The following HS3ST4 variants were observed in gnomAD, a reference collection of about 807,000 sequenced individuals.
HS3ST4 encodes the protein heparan sulfate glucosamine 3-O-sulfotransferase 4.
Under a neutral mutation model 29.2 loss-of-function variants are expected in HS3ST4, and 17 were observed. That is an observed-to-expected ratio of 0.58 (90% CI 0.40 to 0.87). The LOEUF (loss-of-function observed/expected upper bound fraction) is 0.87, where lower values mean the gene tolerates loss of function less well. Ranked by LOEUF, HS3ST4 falls within the 40% of genes least tolerant of loss-of-function variation. The pLI is 0.00. For synonymous variants in HS3ST4, 314 were observed against 285.7 expected (o/e 1.10, Z -1.00); for missense variants, 627 against 634.5 (o/e 0.99, Z 0.13).
intron 1 of HS3ST4, among the ~76,000 whole-genome samples, chr16:25,765,166 G>A (rs1966809979): frequency 6.6e-6 from 1 of 152,152 alleles, no homozygotes; most frequent in Non-Finnish European, 1.5e-5. Context: ...AGAGGCCGCA[G>A]CCTTATTTAA....
At chr16:25,924,128 C>T (rs1209857954) in intron 1 of HS3ST4, among the ~76,000 whole-genome samples, 3 of 152,174 alleles carry the variant, frequency 2.0e-5, no homozygotes, top group Admixed American at 6.5e-5. Flanking sequence ...TATCTGGCAT[C>T]CACTGTCTCA....
intron 1 of HS3ST4, among the ~76,000 whole-genome samples, chr16:26,110,308 G>A (rs1412754924): frequency 2.0e-5 from 3 of 151,912 alleles, no homozygotes; most frequent in Non-Finnish European, 4.4e-5. Context: ...TTCTTTATAT[G>A]TTCACCTGTT....
At position 25,866,972 on chromosome 16, in the gene HS3ST4, T is replaced by G. The variant is rs552982220; in HGVS notation, c.734+173821T>G. Among the ~76,000 whole-genome samples the G allele has an allele frequency of 3.3e-5, 5 of 152,318 alleles. No homozygotes were observed. In the East Asian group the frequency reaches 9.7e-4, roughly 29 times the overall value. The stretch of plus-strand genomic sequence containing the variant: ...ATTTCACGGGCCTCTCCAAGTCTTA[T>G]ATTCACTACTTTGTGAGTAGTTAGG... On this transcript the variant is annotated intron_variant, in intron 1 of 1. Coordinates refer to ENST00000331351, the MANE Select transcript of HS3ST4 (RefSeq NM_006040.3).
At chr16:25,883,962 A>T (rs1404421492) in intron 1 of HS3ST4, among the ~76,000 whole-genome samples, 3 of 151,998 alleles carry the variant, frequency 2.0e-5, no homozygotes, top group Non-Finnish European at 4.4e-5. Flanking sequence ...AAAACACAAA[A>T]ATTAGCCGAC....
At chr16:26,069,332 C>A (rs947893106) in intron 1 of HS3ST4, among the ~76,000 whole-genome samples, 15 of 152,118 alleles carry the variant, frequency 9.9e-5, no homozygotes, top group Non-Finnish European at 1.6e-4. Context: ...TCTGGGCTGG[C>A]TATGTGCCTT....
chr16:25,777,991 G>A (rs1282991331), intron 1 of HS3ST4, among the ~76,000 whole-genome samples: 1 of 152,128 alleles, frequency 6.6e-6, no homozygotes, highest in South Asian at 2.1e-4. Flanking sequence ...GGAGAGGGGT[G>A]AGAAATTGGA....
intron 1 of HS3ST4, among the ~76,000 whole-genome samples, chr16:25,695,885 G>A (rs1221255951): frequency 6.6e-6 from 1 of 152,110 alleles, no homozygotes; most frequent in Admixed American, 6.5e-5. Flanking sequence ...TCTGGTTTTT[G>A]TGTTTTCAGC....
intron 1 of HS3ST4, among the ~76,000 whole-genome samples, chr16:26,087,891 A>T (rs1180118713): frequency 6.6e-6 from 1 of 152,218 alleles, no homozygotes; most frequent in South Asian, 2.1e-4. Context: ...TCCACTCCAA[A>T]TTATTTCGCT....
intron 1 of HS3ST4, among the ~76,000 whole-genome samples, chr16:26,099,472 C>T (rs978783349): frequency 5.3e-5 from 8 of 152,244 alleles, no homozygotes; most frequent in Admixed American, 4.6e-4. Context: ...GAAATTTGAA[C>T]CCAGAGTCAG....
chr16:26,103,297 G>A (rs2141797959), intron 1 of HS3ST4, among the ~76,000 whole-genome samples: 1 of 152,214 alleles, frequency 6.6e-6, no homozygotes, highest in Middle Eastern at 3.4e-3. Context: ...AAATTGCAAG[G>A]GAGCACATCA....
rs1369053181 is a variant in HS3ST4 at position 26,055,036 on chromosome 16, GACA to G, written c.735-80575_735-80573del. On this transcript the variant is annotated intron_variant, in intron 1 of 1. Transcript: ENST00000331351. ...TCTGATTGTTCTGTGTTGTTCCTAT[GACA>G]TTAAATTCAGAGCTACCCAGCACCG... 3.3e-5 allele frequency among the ~76,000 whole-genome samples: 5 copies of G among 152,062 alleles called. No homozygotes were observed. The South Asian group carries it at 1.0e-3, about 32-fold the overall frequency.
At chr16:25,704,896 A>G (rs1440214277) in intron 1 of HS3ST4, among the ~76,000 whole-genome samples, 1 of 151,036 alleles carries the variant, frequency 6.6e-6, no homozygotes, top group Non-Finnish European at 1.5e-5. Context: ...AAAAAAAAAA[A>G]TTGTAGAGAA....
At chr16:25,875,349 G>A (rs1242689442) in intron 1 of HS3ST4, among the ~76,000 whole-genome samples, 5 of 152,114 alleles carry the variant, frequency 3.3e-5, no homozygotes, top group Non-Finnish European at 5.9e-5. Context: ...CTGGTCATTC[G>A]CGGCACTGAT....
At chr16:26,081,786 C>CT (rs56169806) in intron 1 of HS3ST4, among the ~76,000 whole-genome samples, 5,463 of 84,878 alleles carry the variant, frequency 0.064, 755 homozygotes, top group African/African-American at 0.11. Context: ...GGAGTACATT[C>CT]TTTTTTTTTT....
intron 1 of HS3ST4, among the ~76,000 whole-genome samples, chr16:25,945,302 C>T (rs1968614144): frequency 6.6e-6 from 1 of 152,116 alleles, no homozygotes; most frequent in Non-Finnish European, 1.5e-5. Flanking sequence ...CCCCCTTTCT[C>T]AATAATATGT....
rs755335261 is a variant in HS3ST4 at position 26,078,538 on chromosome 16, T to C, written c.735-57074T>C. On this transcript the variant is annotated intron_variant, in intron 1 of 1. Coordinates refer to ENST00000331351, the MANE Select transcript of HS3ST4 (RefSeq NM_006040.3). ...TATTAGCTGGCAGCAGCAGGTTTTG[T>C]GTGGTCTTATTAGAAAGGATTGGCT... 7.2e-4 allele frequency among the ~76,000 whole-genome samples: 110 copies of C among 152,154 alleles called. 2 individuals carry two copies. Among genetic ancestry groups the C allele is most frequent in the Admixed American group, 2.6e-4 (4 of 15,268 alleles).
Position 26,137,457 on chromosome 16 carries a change from C to G in HS3ST4, c.*1209C>G, listed in dbSNP as rs1253204342. Reference sequence around the variant, plus strand: ...GGTGAGCAAGGGCTGTCTGCAGAAACCCCCATCAAGAGCTGCTGAATGAAG... The same window carrying G: ...GGTGAGCAAGGGCTGTCTGCAGAAAGCCCCATCAAGAGCTGCTGAATGAAG... On this transcript the variant is annotated 3_prime_UTR_variant, in exon 2 of 2. Transcript: ENST00000331351. 6.6e-6 allele frequency: 1 copy of G among 152,184 alleles called. No homozygotes were observed. Among genetic ancestry groups the G allele is most frequent in the East Asian group, 1.9e-4 (1 of 5,178 alleles). 9.4% of individuals were successfully genotyped at this position (152,184 alleles called of 1,614,324 possible).
chr16:25,937,957 A>G (rs1242570114), intron 1 of HS3ST4, among the ~76,000 whole-genome samples: 4 of 152,162 alleles, frequency 2.6e-5, no homozygotes, highest in Admixed American at 2.6e-4. Flanking sequence ...GCTGACCACA[A>G]GGCAGTAGGA....
At chr16:25,839,536 T>C (rs1967392545) in intron 1 of HS3ST4, among the ~76,000 whole-genome samples, 1 of 152,222 alleles carries the variant, frequency 6.6e-6, no homozygotes, top group Admixed American at 6.5e-5. Context: ...GGACTAGCAT[T>C]CTCATTGAGT....
Sources: gnomAD v4.1 joint callset for allele counts (sites outside exome capture counted in the v4.1 genomes callset) on GRCh38, gnomAD v4.1.1 for gene constraint, MANE v1.5 for transcripts, NCBI Gene and HGNC (gene_info 2026-07-23, HGNC 2026-07-21) for gene names.